The following ANKS1B variants were observed in gnomAD, a reference collection of about 807,000 sequenced individuals.
The protein encoded by ANKS1B is ankyrin repeat and sterile alpha motif domain containing 1B.
In ANKS1B, 36 loss-of-function variants were observed where a neutral mutation model predicts 148.3. The observed-to-expected ratio is 0.24, with a 90% CI of 0.19 to 0.32. The LOEUF is 0.32. ANKS1B is among the 10% of genes least tolerant of loss of function. The probability of loss-of-function intolerance (pLI) is 1.00; values close to 1 mark genes in which losing one functional copy is unlikely to be tolerated. For missense variants in ANKS1B, 1,157 were observed against 1,542.6 expected (o/e 0.75, Z 4.19); for synonymous variants, 542 against 560.8 (o/e 0.97, Z 0.47).
At chr12:99,632,753 A>ATATATATATATG (rs2098179429) in intron 9 of ANKS1B, among the ~76,000 whole-genome samples, 7 of 86,546 alleles carry the variant, frequency 8.1e-5, no homozygotes, top group Non-Finnish European at 1.7e-4. Flanking sequence ...ATATATATAT[A>ATATATATATATG]TATATATATA....
At chr12:99,874,130 T>C (rs1004487550) in intron 1 of ANKS1B, among the ~76,000 whole-genome samples, 5 of 151,908 alleles carry the variant, frequency 3.3e-5, no homozygotes, top group Non-Finnish European at 1.5e-5. Flanking sequence ...TTTGTGGATA[T>C]GCCAGTCTAA....
chr12:99,859,235 G>C (rs774436754), intron 1 of ANKS1B, among the ~76,000 whole-genome samples: 1 of 152,220 alleles, frequency 6.6e-6, no homozygotes, highest in Non-Finnish European at 1.5e-5. Flanking sequence ...TATTGTGGCT[G>C]TTGCAGAGTT....
At chr12:99,638,371 T>C (rs2098264854) in intron 9 of ANKS1B, among the ~76,000 whole-genome samples, 1 of 152,202 alleles carries the variant, frequency 6.6e-6, no homozygotes, top group Non-Finnish European at 1.5e-5. Flanking sequence ...TTGATAGTGA[T>C]GGACAATGAA....
chr12:99,460,879 C>A (rs1049393656), intron 10 of ANKS1B, among the ~76,000 whole-genome samples: 1 of 152,054 alleles, frequency 6.6e-6, no homozygotes, highest in Non-Finnish European at 1.5e-5. Flanking sequence ...TTTGATCCAA[C>A]AATCCCACTC....
At chr12:99,916,024 C>T (rs986899346) in intron 1 of ANKS1B, among the ~76,000 whole-genome samples, 1 of 152,290 alleles carries the variant, frequency 6.6e-6, no homozygotes, top group Middle Eastern at 3.4e-3. Context: ...ACAACCTACC[C>T]CAGTATGATC....
Position 99,737,003 on chromosome 12 carries a change from C to T in ANKS1B, c.1128+35919G>A, listed in dbSNP as rs141944193. The stretch of plus-strand genomic sequence containing the variant: ...AAACCACAATGAGATATCATCTTAC[C>T]CCAGTTAGAATGACTATTATTAAAA... On this transcript the variant is annotated intron_variant, in intron 8 of 26. Transcript: ENST00000683438. Among the ~76,000 whole-genome samples, 518 of 151,994 alleles carry T rather than the reference C, an allele frequency of 3.4e-3. 17 individuals carry two copies. The South Asian group carries it at 0.049, about 15-fold the overall frequency.
chr12:99,100,599 G>C (rs1022778487), intron 15 of ANKS1B, among the ~76,000 whole-genome samples: 1 of 152,160 alleles, frequency 6.6e-6, no homozygotes, highest in African/African-American at 2.4e-5. Flanking sequence ...GCATGATCTT[G>C]GCTCATTGCA....
chr12:99,134,582 C>A (rs1164466976), intron 15 of ANKS1B, among the ~76,000 whole-genome samples: 1 of 151,410 alleles, frequency 6.6e-6, no homozygotes, highest in Admixed American at 6.6e-5. Context: ...ATCCCCACCC[C>A]AATCTCTCTT....
intron 14 of ANKS1B, among the ~76,000 whole-genome samples, chr12:99,174,414 C>T (rs1034619689): frequency 7.9e-5 from 12 of 152,156 alleles, no homozygotes; most frequent in African/African-American, 2.7e-4. Context: ...TTTTAAGCTG[C>T]TAAATTTTGT....
chr12:98,878,765 C>T (rs1488136269), intron 17 of ANKS1B, among the ~76,000 whole-genome samples: 1 of 152,064 alleles, frequency 6.6e-6, no homozygotes, highest in South Asian at 2.1e-4. Context: ...TTGATACAAC[C>T]GATAATTTTA....
chr12:99,215,811 G>T (rs1447670722), intron 14 of ANKS1B, among the ~76,000 whole-genome samples: 1 of 152,194 alleles, frequency 6.6e-6, no homozygotes, highest in Non-Finnish European at 1.5e-5. Context: ...GACTTGGCTT[G>T]TCTCAGATGA....
chr12:98,977,785 T>A (rs2099899786), intron 17 of ANKS1B, among the ~76,000 whole-genome samples: 1 of 152,112 alleles, frequency 6.6e-6, no homozygotes, highest in Admixed American at 6.5e-5. Flanking sequence ...TTTTCTAAAA[T>A]AAAATTTAAA....
At chr12:99,220,910 A>G (rs2085022629) in intron 14 of ANKS1B, among the ~76,000 whole-genome samples, 2 of 152,228 alleles carry the variant, frequency 1.3e-5, no homozygotes, top group Non-Finnish European at 2.9e-5. Context: ...CCCAAACCAT[A>G]AAAGTACTAG....
At chr12:99,564,776 C>A (rs148750629) in intron 9 of ANKS1B, among the ~76,000 whole-genome samples, 1 of 152,076 alleles carries the variant, frequency 6.6e-6, no homozygotes, top group African/African-American at 2.4e-5. Context: ...CTCCTTGTTG[C>A]TATATCTTGA....
intron 9 of ANKS1B, among the ~76,000 whole-genome samples, chr12:99,509,630 T>G (rs1273879330): frequency 6.6e-6 from 1 of 151,910 alleles, no homozygotes; most frequent in Non-Finnish European, 1.5e-5. Flanking sequence ...TCATAAGGCT[T>G]AAGGAAAGAA....
chr12:99,270,017 A>T (rs1461668974), intron 12 of ANKS1B, among the ~76,000 whole-genome samples: 1 of 152,212 alleles, frequency 6.6e-6, no homozygotes, highest in East Asian at 1.9e-4. Context: ...ACATTTTTCA[A>T]AAAAGATAGC....
chr12:99,156,755 T>C (rs1312924010), intron 14 of ANKS1B, among the ~76,000 whole-genome samples: 1 of 152,238 alleles, frequency 6.6e-6, no homozygotes, highest in Non-Finnish European at 1.5e-5. Flanking sequence ...CCCTCTATTG[T>C]AACAGATATT....
At chr12:99,551,275 A>T (rs1213825725) in intron 9 of ANKS1B, among the ~76,000 whole-genome samples, 2 of 152,150 alleles carry the variant, frequency 1.3e-5, no homozygotes, top group Admixed American at 1.3e-4. Context: ...CAAATACATC[A>T]TCATACTCAG....
intron 15 of ANKS1B, among the ~76,000 whole-genome samples, chr12:99,109,921 G>T (rs966468364): frequency 2.0e-5 from 3 of 152,140 alleles, no homozygotes; most frequent in Admixed American, 6.5e-5. Context: ...GATGAGGAAA[G>T]GAAAGCTCAG....
Sources: allele counts gnomAD v4.1 joint callset (sites outside exome capture counted in the v4.1 genomes callset), GRCh38; gene constraint gnomAD v4.1.1; transcripts MANE v1.5; gene names NCBI Gene and HGNC (gene_info 2026-07-23, HGNC 2026-07-21).